Variants in ITSN2 observed in about 807,000 individuals in gnomAD.
ITSN2 encodes intersectin-2.
ITSN2 carries 156 observed loss-of-function variants against 243.7 expected under a neutral mutation model. The observed-to-expected ratio is 0.64, with a 90% CI of 0.56 to 0.73. The LOEUF is 0.73. Among genes scored for constraint, ITSN2 ranks in the 30% least tolerant of loss-of-function variants. The pLI is 0.00. For synonymous variants in ITSN2, 703 were observed against 699.9 expected, an observed-to-expected ratio of 1.00 and a Z score of -0.07; for missense variants, 1,801 against 1,996.1, an observed-to-expected ratio of 0.90 and a Z score of 1.86.
chr2:24,357,269 A>G (rs1308678592), intron 1 of ITSN2, among the ~76,000 whole-genome samples: 1 of 152,252 alleles, frequency 6.6e-6, no homozygotes, highest in Non-Finnish European at 1.5e-5. Flanking sequence ...AATGTGATAT[A>G]CATACACCAT....
At position 24,347,428 on chromosome 2, in the gene ITSN2, C is replaced by T. The variant is rs553264987; in HGVS notation, c.-34+12876G>A. Among the ~76,000 whole-genome samples, 7 of 152,250 alleles carry T rather than the reference C, an allele frequency of 4.6e-5. No individual in the cohort carries two copies. The South Asian group carries it at 1.0e-3, about 23-fold the overall frequency. On this transcript the variant is annotated intron_variant, in intron 1 of 39. Coordinates refer to ENST00000355123, the MANE Select transcript of ITSN2 (RefSeq NM_006277.3). ...TAGGCCAGGCACTGGGGCTCACGCC[C>T]GTAATCCCAGCCCTTTGGGAGGCTG...
intron 23 of ITSN2, among the ~76,000 whole-genome samples, chr2:24,257,245 G>A (rs1300777936): frequency 6.6e-6 from 1 of 151,948 alleles, no homozygotes; most frequent in Non-Finnish European, 1.5e-5. Flanking sequence ...GCTTAAGGCT[G>A]GGTGGTCGAG....
At chr2:24,356,469 A>T (rs1688457607) in intron 1 of ITSN2, among the ~76,000 whole-genome samples, 1 of 147,552 alleles carries the variant, frequency 6.8e-6, no homozygotes, top group Admixed American at 6.9e-5. Flanking sequence ...AGAATTTACA[A>T]GGAACTTAAA....
At chr2:24,320,138 A>T (rs1355222518) in intron 2 of ITSN2, among the ~76,000 whole-genome samples, 1 of 152,146 alleles carries the variant, frequency 6.6e-6, no homozygotes, top group African/African-American at 2.4e-5. Flanking sequence ...GTATTTTGGG[A>T]GGCTGAGGCA....
chr2:24,221,533 T>C (rs968742422), intron 29 of ITSN2: 1 of 153,772 alleles, frequency 6.5e-6, no homozygotes, highest in Non-Finnish European at 1.4e-5. Flanking sequence ...TTGGTAAATA[T>C]TGTGAAATGT....
chr2:24,238,277 T>C (rs1672373922), intron 29 of ITSN2, among the ~76,000 whole-genome samples: 1 of 152,218 alleles, frequency 6.6e-6, no homozygotes, highest in South Asian at 2.1e-4. Flanking sequence ...CAATGGCCAC[T>C]TGACACTCAG....
chr2:24,317,137 T>C (rs549908312), intron 2 of ITSN2, among the ~76,000 whole-genome samples: 160 of 152,242 alleles, frequency 1.1e-3, no homozygotes, highest in Middle Eastern at 3.4e-3. Flanking sequence ...TCCCAGCACT[T>C]TGGGAGGCCG....
chr2:24,345,760 A>G (rs1558662317), intron 1 of ITSN2, among the ~76,000 whole-genome samples: 1 of 151,846 alleles, frequency 6.6e-6, no homozygotes, highest in Non-Finnish European at 1.5e-5. Flanking sequence ...TACCTGTAAC[A>G]TATGCTATAA....
intron 29 of ITSN2, among the ~76,000 whole-genome samples, chr2:24,223,163 A>C (rs1192568677): frequency 6.6e-6 from 1 of 152,232 alleles, no homozygotes; most frequent in Non-Finnish European, 1.5e-5. Context: ...GAAGGGCAGC[A>C]GAGCGAAGGC....
chr2:24,289,393 A>T (rs867145154), intron 15 of ITSN2, among the ~76,000 whole-genome samples: 1 of 151,994 alleles, frequency 6.6e-6, no homozygotes, highest in Non-Finnish European at 1.5e-5. Context: ...TGTTTACTTG[A>T]TCTCTTTTTT....
At chr2:24,308,307 C>T (rs547973143) in intron 8 of ITSN2, among the ~76,000 whole-genome samples, 21 of 152,276 alleles carry the variant, frequency 1.4e-4, no homozygotes, top group Non-Finnish European at 2.5e-4. Flanking sequence ...TCTTGTGACC[C>T]GTGGCTCTCC....
intron 1 of ITSN2, chr2:24,330,416 G>A (rs180790254): frequency 1.1e-5 from 7 of 610,706 alleles, no homozygotes; most frequent in Admixed American, 9.7e-5. Context: ...CCAAGAGAAA[G>A]GGTGAAGGGG....
chr2:24,221,111 T>C lies in ITSN2; in HGVS notation c.3578-45A>G, dbSNP rs371451294. 9.0e-5 allele frequency: 141 copies of C among 1,568,788 alleles called. No homozygotes were observed. In the African/African-American group the frequency reaches 1.1e-3, roughly 12 times the overall value. On this transcript the variant is annotated intron_variant, in intron 29 of 39. Transcript: ENST00000355123. The stretch of plus-strand genomic sequence containing the variant: ...GTTTAAAATATTACTTTAGTCAACT[T>C]TGTAGAAAATAGACATTTGTCAGCA...
intron 17 of ITSN2, 63 bp from the exon 18 acceptor site, chr2:24,275,912 A>T: frequency 8.3e-7 from 1 of 1,198,106 alleles, no homozygotes; most frequent in Non-Finnish European, 1.2e-6. Context: ...CATATGTATT[A>T]ATGTGGCATT....
rs112137668 is a variant in ITSN2 at position 24,282,742 on chromosome 2, G to A, written c.1944+2021C>T. Among the ~76,000 whole-genome samples, 140 of 152,258 alleles carry A rather than the reference G, an allele frequency of 9.2e-4. 1 individual carries two copies. Among genetic ancestry groups the A allele is most frequent in the Middle Eastern group, 3.4e-3 (1 of 294 alleles). On this transcript the variant is annotated intron_variant, in intron 17 of 39. Coordinates refer to ENST00000355123, the MANE Select transcript of ITSN2 (RefSeq NM_006277.3). ...GAAGTGAGCCACATCCCCATCACCT[G>A]CCCTTCAAGGGGGACAAGGGAACCT...
chr2:24,230,683 G>A (rs1326234740), intron 29 of ITSN2, among the ~76,000 whole-genome samples: 1 of 152,056 alleles, frequency 6.6e-6, no homozygotes, highest in Non-Finnish European at 1.5e-5. Flanking sequence ...CTGGAGAATT[G>A]CTTGAACCCA....
chr2:24,203,691 C>A lies in ITSN2; in HGVS notation c.5029G>T (p.Val1677Phe), dbSNP rs1406410398. The A allele has an allele frequency of 5.0e-6, 8 of 1,614,054 alleles. No individual in the cohort carries two copies. Among genetic ancestry groups the A allele is most frequent in the Middle Eastern group, 1.6e-4 (1 of 6,084 alleles). ...CGGACCCAGACCTCCCCGGTGGGGA[C>A]CTCATGCAGCAGCAGTCGGCGGGTC... ...PMTRRLLLHE[V>F]PTGEVWVRFD... is the part of the protein sequence containing the mutation. Residue 1677 changes from valine (V) to phenylalanine (F), a missense_variant, in exon 40 of 40, where the codon GTC (valine) becomes TTC (phenylalanine). By Grantham distance (50) the Val-to-Phe change is conservative (BLOSUM62 -1). This residue lies in a region of ITSN2 where 928 missense variants were observed against 1,065.4 expected (regional missense o/e 0.87). Transcript: ENST00000355123.
At chr2:24,329,847 A>G (rs1685578554) in intron 1 of ITSN2, among the ~76,000 whole-genome samples, 1 of 152,238 alleles carries the variant, frequency 6.6e-6, no homozygotes, top group Admixed American at 6.5e-5. Flanking sequence ...TAGCTTAAAA[A>G]ATGAACACAG....
At chr2:24,233,544 G>A (rs1364001059) in intron 29 of ITSN2, among the ~76,000 whole-genome samples, 1 of 152,158 alleles carries the variant, frequency 6.6e-6, no homozygotes, top group African/African-American at 2.4e-5. Flanking sequence ...AGCATGTGGG[G>A]GTGGCTAAGA....
Sources: gnomAD v4.1 joint callset for allele counts (sites outside exome capture counted in the v4.1 genomes callset) on GRCh38, gnomAD v4.1.1 for gene constraint, gnomAD v4.1.1 regional missense constraint, MANE v1.5 for transcripts, NCBI Gene and HGNC (gene_info 2026-07-23, HGNC 2026-07-21) for gene names.